Variants in CHAMP1 observed in about 807,000 individuals in gnomAD.
CHAMP1 encodes the protein chromosome alignment-maintaining phosphoprotein 1.
Under a neutral mutation model 54.5 loss-of-function variants are expected in CHAMP1, and 4 were observed. The ratio of observed to expected loss-of-function variants is 0.07; its 90% CI spans 0.04 to 0.17. CHAMP1 has a LOEUF of 0.17. Among genes scored for constraint, CHAMP1 ranks in the 10% least tolerant of loss-of-function variants. The probability of loss-of-function intolerance (pLI) is 1.00; values close to 1 mark genes in which losing one functional copy is unlikely to be tolerated. For synonymous variants in CHAMP1, 368 were observed against 342.2 expected (o/e 1.08, Z -0.83); for missense variants, 994 against 968.6 (o/e 1.03, Z -0.35).
Position 114,326,270 on chromosome 13 carries a change from C to A in CHAMP1, c.2428C>A (p.Gln810Lys). 1.3e-6 allele frequency: 2 copies of A among 1,567,232 alleles called. No individual in the cohort carries two copies. The highest frequency in any genetic ancestry group is 4.5e-5 in the East Asian group (2 of 44,446). ...AGCTCTTGAACCGCCACTGGAGGAG[C>A]AGCAAATTTGATAACACAGTGTGAA... ...MEALEPPLEE[Q>K]QI Residue 810 changes from glutamine to lysine, a missense_variant, in exon 3 of 3, where the codon CAG becomes AAG. Around this residue, in one of 3 missense-constraint regions of CHAMP1, gnomAD observed 59 missense variants for 146.7 expected, o/e 0.40. Coordinates refer to ENST00000361283, the MANE Select transcript of CHAMP1 (RefSeq NM_032436.4).
rs782218818 is a variant in CHAMP1 at position 114,325,900 on chromosome 13, T to C, written c.2058T>C (p.Thr686=). ...PEQSRNVLQF[T]EEKEAFISEE... The stretch of plus-strand genomic sequence containing the variant: ...AGTCTAGAAATGTGCTACAGTTTAC[T>C]GAAGAAAAAGAAGCTTTTATCTCTG... Residue 686 remains threonine, a synonymous_variant, in exon 3 of 3, where the codon ACT becomes ACC. Coordinates refer to ENST00000361283, the MANE Select transcript of CHAMP1 (RefSeq NM_032436.4). 16 of 1,613,924 alleles carry C rather than the reference T, an allele frequency of 9.9e-6. No individual in the cohort carries two copies. The highest frequency in any genetic ancestry group is 1.3e-5 in the Non-Finnish European group (15 of 1,179,964).
In CHAMP1 at chr13:114,324,107, G is replaced by A. The variant is rs782469663; in HGVS notation, c.265G>A (p.Asp89Asn). 2 of 1,614,126 alleles carry A rather than the reference G, an allele frequency of 1.2e-6. No individual in the cohort carries two copies. The highest frequency in any genetic ancestry group is 1.6e-4 in the Middle Eastern group (1 of 6,062). ...YHITSKHASP[D>N]KWNDKPKNQL... ...CATCACATCCAAACATGCATCCCCA[G>A]ACAAATGGAATGATAAACCAAAAAA... Residue 89 changes from aspartate (D) to asparagine (N), a missense_variant, in exon 3 of 3, where the codon GAC (aspartate) becomes AAC (asparagine). Around this residue, in one of 3 missense-constraint regions of CHAMP1, gnomAD observed 84 missense variants for 120.7 expected, o/e 0.70. Transcript: ENST00000361283.
chr13:114,324,432 A>G lies in CHAMP1; in HGVS notation c.590A>G (p.Gln197Arg). ...AAATCAGTCCCTGTTTGTGAGTCTCAGAAACTTGCCCCTGTTCCTTCTCCA... is the reference window on the plus strand; with the variant it reads ...AAATCAGTCCCTGTTTGTGAGTCTCGGAAACTTGCCCCTGTTCCTTCTCCA... Reference protein sequence around the residue: ...PPKSVPVCESQKLAPVPSPEP... With the variant: ...PPKSVPVCESRKLAPVPSPEP... Residue 197 changes from glutamine (Q) to arginine (R), a missense_variant, in exon 3 of 3, where the codon CAG becomes CGG. Physicochemically the swap from Gln to Arg is conservative, Grantham distance 43 (BLOSUM62 1). Coordinates refer to ENST00000361283, the MANE Select transcript of CHAMP1 (RefSeq NM_032436.4). 6.2e-7 allele frequency: 1 copy of G among 1,614,200 alleles called. No homozygotes were observed. The highest frequency in any genetic ancestry group is 8.5e-7 in the Non-Finnish European group (1 of 1,180,044).
intron 1 of CHAMP1, 42 bp from the exon 2 acceptor site, chr13:114,321,068 A>G (rs1369503449): frequency 1.4e-5 from 2 of 147,718 alleles, no homozygotes; most frequent in African/African-American, 2.5e-5. Flanking sequence ...GATCACAGAT[A>G]TAGTTTTGAT....
In CHAMP1 at chr13:114,325,734, TTAG is replaced by T; in HGVS notation, c.1900_1902del (p.Ser634del). ...AACCAAGAGAGCTCAGACGCTGAGCTTAGTAGTAGTGAGTACATAAAAACAGAT... is the reference window on the plus strand; with the variant it reads ...AACCAAGAGAGCTCAGACGCTGAGCTTAGTAGTGAGTACATAAAAACAGAT... On this transcript the variant is annotated inframe_deletion, in exon 3 of 3. Transcript: ENST00000361283. The T allele has an allele frequency of 6.2e-7, 1 of 1,614,162 alleles. No homozygotes were observed. The highest frequency in any genetic ancestry group is 8.5e-7 in the Non-Finnish European group (1 of 1,180,038).
At chr13:114,317,110 C>T (rs113974859) in intron 1 of CHAMP1, among the ~76,000 whole-genome samples, 5 of 152,132 alleles carry the variant, frequency 3.3e-5, no homozygotes, top group South Asian at 2.1e-4. Flanking sequence ...CTCCGTCTCC[C>T]GGGTTCAAGC....
At chr13:114,322,547 G>A (rs1197148856) in intron 2 of CHAMP1, 3 of 152,174 alleles carry the variant, frequency 2.0e-5, no homozygotes, top group Non-Finnish European at 4.4e-5. Context: ...ATAGGAAATT[G>A]TCTCTCATAT....
At chr13:114,321,470 G>A (rs1173285048) in intron 2 of CHAMP1, among the ~76,000 whole-genome samples, 1 of 152,074 alleles carries the variant, frequency 6.6e-6, no homozygotes, top group Non-Finnish European at 1.5e-5. Flanking sequence ...GGAAGAGGAG[G>A]GATGGCTGGG....
chr13:114,324,543 C>G lies in CHAMP1; in HGVS notation c.701C>G (p.Pro234Arg), dbSNP rs782223907. ...AAACCCCAGAAGCAGTCTCATTTCC[C>G]GGAAACATTGGGGCCACCTTCAGCC... ...NPKPQKQSHF[P>R]ETLGPPSASS... Residue 234 changes from proline to arginine, a missense_variant, in exon 3 of 3, where the codon CCG becomes CGG. Physicochemically the swap from Pro to Arg is moderately radical, Grantham distance 103. Coordinates refer to ENST00000361283, the MANE Select transcript of CHAMP1 (RefSeq NM_032436.4). 1.9e-6 allele frequency: 3 copies of G among 1,614,046 alleles called. No individual in the cohort carries two copies. The highest frequency in any genetic ancestry group is 1.7e-6 in the Non-Finnish European group (2 of 1,180,038).
chr13:114,324,436 A>G lies in CHAMP1; in HGVS notation c.594A>G (p.Lys198=), dbSNP rs782436384. 1.9e-6 allele frequency: 3 copies of G among 1,614,092 alleles called. No individual in the cohort carries two copies. Among genetic ancestry groups the G allele is most frequent in the Non-Finnish European group, 2.5e-6 (3 of 1,180,020 alleles). The part of the protein sequence containing the change: ...PKSVPVCESQ[K]LAPVPSPEPQ... ...CAGTCCCTGTTTGTGAGTCTCAGAA[A>G]CTTGCCCCTGTTCCTTCTCCAGAAC... The change falls in exon 3 of 3, where the codon AAA becomes AAG. Residue 198 remains lysine, a synonymous_variant. Transcript: ENST00000361283.
At position 114,325,193 on chromosome 13, in the gene CHAMP1, C is replaced by G; in HGVS notation, c.1351C>G (p.Leu451Val). The change falls in exon 3 of 3, where the codon CTT becomes GTT. Residue 451 changes from leucine (L) to valine (V), a missense_variant. Leu to Val is a conservative substitution (Grantham distance 32). This residue lies in a region of CHAMP1 where 851 missense variants were observed against 701.3 expected (regional missense o/e 1.21). Transcript: ENST00000361283. ...CTCAGGGTCACCAGATCTTTGGAAG[C>G]TTTCTCCTGATCAGCGGAAAACTTC... ...KPSGSPDLWK[L>V]SPDQRKTSPA... The G allele has an allele frequency of 1.2e-6, 2 of 1,614,186 alleles. No individual in the cohort carries two copies. The highest frequency in any genetic ancestry group is 1.7e-6 in the Non-Finnish European group (2 of 1,180,032).
rs781962408 is a variant in CHAMP1, at chr13:114,324,758, G to A, written c.916G>A (p.Ala306Thr). Residue 306 changes from alanine (A) to threonine (T), a missense_variant, in exon 3 of 3, where the codon GCT (alanine) becomes ACT (threonine). By Grantham distance (58) the Ala-to-Thr change is moderately conservative (BLOSUM62 0). This residue lies in a region of CHAMP1 where 851 missense variants were observed against 701.3 expected (regional missense o/e 1.21). Transcript: ENST00000361283. ...VSPEPRRPAP[A>T]VSPGSWKPGP... ...CCCAGAGCCTAGGAGACCAGCCCCC[G>A]CTGTGTCACCAGGCTCTTGGAAACC... 31 of 1,613,866 alleles carry A rather than the reference G, an allele frequency of 1.9e-5. No homozygotes were observed. The highest frequency in any genetic ancestry group is 8.3e-5 in the Admixed American group (5 of 60,006).
intron 2 of CHAMP1, chr13:114,323,234 G>A (rs2087195592): frequency 1.3e-5 from 2 of 152,240 alleles, no homozygotes; most frequent in South Asian, 4.1e-4. Context: ...TATTGGGATA[G>A]ATTAAACATT....
chr13:114,318,325 T>G (rs1366471147), intron 1 of CHAMP1, among the ~76,000 whole-genome samples: 16 of 151,786 alleles, frequency 1.1e-4, no homozygotes, highest in African/African-American at 2.4e-4. Flanking sequence ...TTTTTTTTTT[T>G]TTGGTTTTCT....
rs990090627 is a variant in CHAMP1 at position 114,314,817 on chromosome 13, G to A, written c.-179+174G>A. 3.9e-5 allele frequency among the ~76,000 whole-genome samples: 6 copies of A among 152,168 alleles called. No homozygotes were observed. The South Asian group carries it at 8.3e-4, about 21-fold the overall frequency. ...AGGGAAGGGCCCGCCCCCACAGGCC[G>A]GGGCGGGAGTGCGTCTTTGTGCAGG... On this transcript the variant is annotated intron_variant, in intron 1 of 2. Transcript: ENST00000361283.
chr13:114,318,177 A>C (rs779314773), intron 1 of CHAMP1, among the ~76,000 whole-genome samples: 20 of 152,174 alleles, frequency 1.3e-4, no homozygotes, highest in Non-Finnish European at 2.6e-4. Flanking sequence ...AGAATAAAAA[A>C]ACTGTTCCCT....
At chr13:114,322,636 A>G (rs2087189367) in intron 2 of CHAMP1, 2 of 152,230 alleles carry the variant, frequency 1.3e-5, no homozygotes, top group Non-Finnish European at 1.5e-5. Flanking sequence ...TGGCCAAGTA[A>G]TCCATTGCTA....
chr13:114,323,743 C>A (rs2087201317), intron 2 of CHAMP1, 45 bp from the exon 3 acceptor site: 2 of 1,436,150 alleles, frequency 1.4e-6, no homozygotes, highest in Non-Finnish European at 9.4e-7. Context: ...GCATTTTATT[C>A]AGAATTACAG....
At position 114,326,288 on chromosome 13, in the gene CHAMP1, A is replaced by T; in HGVS notation, c.*7A>T. On this transcript the variant is annotated 3_prime_UTR_variant, in exon 3 of 3. Coordinates refer to ENST00000361283, the MANE Select transcript of CHAMP1 (RefSeq NM_032436.4). Reference sequence around the variant, plus strand: ...GGAGGAGCAGCAAATTTGATAACACAGTGTGAATATTTGTTCTACAAAGGT... The same window carrying T: ...GGAGGAGCAGCAAATTTGATAACACTGTGTGAATATTTGTTCTACAAAGGT... The T allele has an allele frequency of 6.4e-7, 1 of 1,555,748 alleles. No homozygotes were observed. The highest frequency in any genetic ancestry group is 8.7e-7 in the Non-Finnish European group (1 of 1,154,950).
Sources: allele counts gnomAD v4.1 joint callset (sites outside exome capture counted in the v4.1 genomes callset), GRCh38; gene constraint gnomAD v4.1.1; regional missense constraint gnomAD v4.1.1; transcripts MANE v1.5; gene names NCBI Gene and HGNC (gene_info 2026-07-23, HGNC 2026-07-21).